ANKFY1: variants seen among roughly 807,000 people sequenced by gnomAD.
The protein encoded by ANKFY1 is ankyrin repeat and FYVE domain-containing protein 1.
In ANKFY1, 47 loss-of-function variants were observed where a neutral mutation model predicts 128.3. The ratio of observed to expected loss-of-function variants is 0.37; its 90% confidence interval spans 0.29 to 0.47. ANKFY1 has a LOEUF of 0.47. Among genes scored for constraint, ANKFY1 ranks in the 20% least tolerant of loss-of-function variants. ANKFY1 has a pLI of 1.00. For synonymous variants in ANKFY1, 553 were observed against 601.6 expected, an observed-to-expected ratio of 0.92 and a Z score of 1.18; for missense variants, 1,222 against 1,510.6, an observed-to-expected ratio of 0.81 and a Z score of 3.17.
intron 1 of ANKFY1, among the ~76,000 whole-genome samples, chr17:4,256,162 C>T (rs1289913223): frequency 2.6e-5 from 4 of 151,630 alleles, no homozygotes; most frequent in African/African-American, 9.7e-5. Flanking sequence ...GGCGCGGTGG[C>T]TCATGCCTGT....
At chr17:4,255,243 CTTTTTTTTT>C (rs1177087196) in intron 1 of ANKFY1, among the ~76,000 whole-genome samples, 1 of 119,898 alleles carries the variant, frequency 8.3e-6, no homozygotes, top group African/African-American at 3.3e-5. Flanking sequence ...TCATGTAATT[CTTTTTTTTT>C]TTTTTTTTTT....
chr17:4,165,321 A>C lies in ANKFY1; in HGVS notation c.*2458T>G, dbSNP rs985238733. On this transcript the variant is annotated 3_prime_UTR_variant, in exon 25 of 25. Transcript: ENST00000341657. ...CAGTAAAGTTTACTTTTCCTGCTCT[A>C]CTCATTCAGAAGTGGCAACTTTCTG... is the stretch of plus-strand genomic sequence containing the variant. 6.6e-6 allele frequency: 1 copy of C among 152,172 alleles called. No homozygotes were observed. Among genetic ancestry groups the C allele is most frequent in the African/African-American group, 2.4e-5 (1 of 41,432 alleles). The allele number at this position is 152,172 out of a possible 1,614,324, so 9.4% of individuals were successfully genotyped here.
At chr17:4,218,155 T>C (rs1347246898) in intron 3 of ANKFY1, among the ~76,000 whole-genome samples, 1 of 152,204 alleles carries the variant, frequency 6.6e-6, no homozygotes, top group African/African-American at 2.4e-5. Flanking sequence ...TTTTTTTATC[T>C]CTCAGACTAG....
chr17:4,236,100 C>G (rs1966889729), intron 2 of ANKFY1, among the ~76,000 whole-genome samples: 1 of 152,184 alleles, frequency 6.6e-6, no homozygotes, highest in African/African-American at 2.4e-5. Context: ...TTGATAAATT[C>G]TGGCTTTAAT....
chr17:4,242,135 A>C, intron 2 of ANKFY1, 121 bp downstream of exon 2: 67 of 973,164 alleles, frequency 6.9e-5, no homozygotes, highest in South Asian at 9.5e-5. Flanking sequence ...TATTCTAGGG[A>C]ATCGATTTGC....
rs1436167936 is a variant in ANKFY1 at position 4,167,471 on chromosome 17, A to G, written c.*308T>C. ...CTACTGGAAGGGGAAATGGTTTTCC[A>G]AGTGTCCCTGTATGTTGCTAGCAGA... On this transcript the variant is annotated 3_prime_UTR_variant, in exon 25 of 25. Transcript: ENST00000341657. The surrounding 1 kb of genome is among the most constrained non-coding windows in gnomAD (Gnocchi z 4.1). 1.4e-5 allele frequency: 3 copies of G among 220,344 alleles called. No homozygotes were observed. The highest frequency in any genetic ancestry group is 5.7e-5 in the Admixed American group (1 of 17,554). 13.6% of individuals were successfully genotyped at this position (220,344 alleles called of 1,614,324 possible).
chr17:4,251,475 A>G (rs961471903), intron 1 of ANKFY1, among the ~76,000 whole-genome samples: 23 of 151,908 alleles, frequency 1.5e-4, no homozygotes, highest in African/African-American at 5.5e-4. Context: ...AAAGAAAACA[A>G]TTTTTAAAAA....
At chr17:4,263,693 C>G in intron 1 of ANKFY1, 1 of 1,517,992 alleles carries the variant, frequency 6.6e-7, no homozygotes, top group Non-Finnish European at 8.8e-7. Context: ...CCTGCCAGCC[C>G]GGCTCCGCAG....
intron 7 of ANKFY1, among the ~76,000 whole-genome samples, chr17:4,202,591 G>A (rs2059950176): frequency 6.7e-6 from 1 of 150,146 alleles, no homozygotes; most frequent in Non-Finnish European, 1.5e-5. Context: ...CAGCTACACG[G>A]GAGGCTGAGG....
intron 4 of ANKFY1, among the ~76,000 whole-genome samples, chr17:4,216,005 A>G (rs984147525): frequency 1.3e-5 from 2 of 152,240 alleles, no homozygotes; most frequent in African/African-American, 4.8e-5. Flanking sequence ...TGCTGTATGC[A>G]CCTATAGACT....
chr17:4,195,894 G>A (rs2059809136), intron 8 of ANKFY1, among the ~76,000 whole-genome samples: 1 of 151,960 alleles, frequency 6.6e-6, no homozygotes, highest in Non-Finnish European at 1.5e-5. Flanking sequence ...ACTGATGAAA[G>A]CGGCATTTAA....
chr17:4,182,577 G>A (rs764595193), intron 14 of ANKFY1, among the ~76,000 whole-genome samples: 5 of 152,158 alleles, frequency 3.3e-5, no homozygotes, highest in Admixed American at 6.5e-5. Context: ...ACATCCCAGC[G>A]TGCTGAAATC....
At chr17:4,232,548 T>C (rs1422460429) in intron 3 of ANKFY1, among the ~76,000 whole-genome samples, 1 of 152,246 alleles carries the variant, frequency 6.6e-6, no homozygotes, top group Non-Finnish European at 1.5e-5. Context: ...CAAAAACCAT[T>C]TACTTTGAAG....
chr17:4,189,620 C>G, intron 10 of ANKFY1, 141 bp from the exon 11 acceptor site: 1 of 735,202 alleles, frequency 1.4e-6, no homozygotes, highest in Non-Finnish European at 2.2e-6. Context: ...TAGGCCCACG[C>G]CAGACAGTAG....
intron 12 of ANKFY1, 92 bp downstream of exon 12, chr17:4,184,726 C>T (rs2059579591): frequency 1.4e-6 from 2 of 1,405,910 alleles, no homozygotes; most frequent in South Asian, 1.2e-5. Context: ...CCATATGAAA[C>T]TCACCAACAG....
intron 1 of ANKFY1, among the ~76,000 whole-genome samples, chr17:4,243,746 G>A (rs942064255): frequency 2.0e-5 from 3 of 152,124 alleles, no homozygotes; most frequent in Non-Finnish European, 4.4e-5. Flanking sequence ...GGTTCAGATG[G>A]AGGCATGCCA....
intron 2 of ANKFY1, among the ~76,000 whole-genome samples, chr17:4,239,642 A>T (rs1305274349): frequency 6.6e-6 from 1 of 151,858 alleles, no homozygotes; most frequent in Non-Finnish European, 1.5e-5. Flanking sequence ...AGGTTGAAGC[A>T]ATTCTTCTGC....
chr17:4,212,437 G>T (rs1306655966), intron 4 of ANKFY1, among the ~76,000 whole-genome samples: 1 of 152,206 alleles, frequency 6.6e-6, no homozygotes, highest in African/African-American at 2.4e-5. Context: ...GAATACTTGT[G>T]TGTTTGTCAA....
intron 19 of ANKFY1, among the ~76,000 whole-genome samples, chr17:4,174,368 G>A (rs1473952236): frequency 1.3e-5 from 2 of 152,150 alleles, no homozygotes; most frequent in South Asian, 4.1e-4. Context: ...TACTATCTAC[G>A]GGTGTCTACT....
Sources: allele counts gnomAD v4.1 joint callset (sites outside exome capture counted in the v4.1 genomes callset), GRCh38; gene constraint gnomAD v4.1.1; non-coding constraint Gnocchi (gnomAD v3.1); transcripts MANE v1.5; gene names NCBI Gene and HGNC (gene_info 2026-07-23, HGNC 2026-07-21).